RIMS1: variants seen among roughly 807,000 people sequenced by gnomAD.
RIMS1 encodes regulating synaptic membrane exocytosis 1.
In RIMS1, 83 loss-of-function variants were observed where a neutral mutation model predicts 214.1. That is an observed-to-expected ratio of 0.39 (90% CI 0.32 to 0.47). The LOEUF is 0.47. Ranked by LOEUF, RIMS1 falls within the 20% of genes least tolerant of loss-of-function variation. The probability of loss-of-function intolerance (pLI) is 0.99; values close to 1 mark genes in which losing one functional copy is unlikely to be tolerated. For missense variants in RIMS1, 2,050 were observed against 2,161.8 expected, an observed-to-expected ratio of 0.95 and a Z score of 1.03; for synonymous variants, 793 against 786.8, an observed-to-expected ratio of 1.01 and a Z score of -0.13.
intron 2 of RIMS1, among the ~76,000 whole-genome samples, chr6:72,080,052 C>T (rs867837018): frequency 3.0e-4 from 34 of 112,622 alleles, no homozygotes; most frequent in South Asian, 3.0e-4. Flanking sequence ...GCCTGGCCAA[C>T]GTGGTGAAAC....
intron 4 of RIMS1, among the ~76,000 whole-genome samples, chr6:72,106,937 T>G (rs974619090): frequency 6.6e-6 from 1 of 152,216 alleles, no homozygotes; most frequent in Non-Finnish European, 1.5e-5. Context: ...CTAACTTCTC[T>G]TAGTATATCT....
At chr6:72,305,586 CAT>C (rs1268885228) in intron 26 of RIMS1, among the ~76,000 whole-genome samples, 1 of 152,064 alleles carries the variant, frequency 6.6e-6, no homozygotes, top group Non-Finnish European at 1.5e-5. Flanking sequence ...TTCTATATTG[CAT>C]ATGTCTTTTG....
At chr6:72,174,514 G>A (rs1244880237) in intron 4 of RIMS1, among the ~76,000 whole-genome samples, 1 of 151,966 alleles carries the variant, frequency 6.6e-6, no homozygotes, top group Non-Finnish European at 1.5e-5. Context: ...TTTTTCTAAT[G>A]TATCCTAAAA....
intron 2 of RIMS1, among the ~76,000 whole-genome samples, chr6:72,068,073 G>A (rs571002535): frequency 6.6e-6 from 1 of 152,244 alleles, no homozygotes; most frequent in East Asian, 1.9e-4. Context: ...CACAAGATTT[G>A]GCTGATGTCA....
At chr6:72,214,321 A>G (rs1381796851) in intron 6 of RIMS1, among the ~76,000 whole-genome samples, 2 of 152,144 alleles carry the variant, frequency 1.3e-5, no homozygotes, top group Non-Finnish European at 2.9e-5. Flanking sequence ...AAAATACTTA[A>G]TAAATCCAAA....
chr6:72,336,847 C>T (rs1036303560), intron 29 of RIMS1, among the ~76,000 whole-genome samples: 1 of 151,698 alleles, frequency 6.6e-6, no homozygotes, highest in South Asian at 2.1e-4. Flanking sequence ...TGATTTTTCC[C>T]ATTCATTTAA....
At position 72,252,794 on chromosome 6, in the gene RIMS1, A is replaced by T. The variant is rs948776018; in HGVS notation, c.2732A>T (p.Asp911Val). The T allele has an allele frequency of 6.4e-7, 1 of 1,559,082 alleles. No individual in the cohort carries two copies. Among genetic ancestry groups the T allele is most frequent in the African/African-American group, 1.4e-5 (1 of 73,632 alleles). ...CGAATCAGTGATAGTGACATCTCAG[A>T]TTATGAGGTTGATGATGGTATTGGC... ...SQRISDSDIS[D>V]YEVDDGIGVV... Residue 911 changes from aspartate to valine, a missense_variant, in exon 16 of 34, where the codon GAT becomes GTT. Around this residue, in one of 6 missense-constraint regions of RIMS1, gnomAD observed 889 missense variants for 885.5 expected, o/e 1.00. Coordinates refer to ENST00000521978, the MANE Select transcript of RIMS1 (RefSeq NM_014989.7).
At chr6:72,000,014 T>C (rs1456013561) in intron 2 of RIMS1, among the ~76,000 whole-genome samples, 1 of 152,158 alleles carries the variant, frequency 6.6e-6, no homozygotes, top group African/African-American at 2.4e-5. Context: ...CTGTTGTTCA[T>C]ATTTTTAGCA....
rs1172432347 is a variant in RIMS1 at position 72,250,421 on chromosome 6, G to A, written c.2333G>A (p.Arg778Gln). Reference protein sequence around the residue: ...DLPARVDGRPRNPYVKMYFLP... With the variant: ...DLPARVDGRPQNPYVKMYFLP... ...CCTGCTAGAGTAGATGGACGTCCTC[G>A]AAATCCCTATGTAAAAATGTATTTT... Residue 778 changes from arginine to glutamine, a missense_variant, in exon 13 of 34, where the codon CGA (arginine) becomes CAA (glutamine). This residue lies in a region of RIMS1 where 889 missense variants were observed against 885.5 expected (regional missense o/e 1.00). Transcript: ENST00000521978. 1.2e-6 allele frequency: 2 copies of A among 1,604,344 alleles called. No homozygotes were observed. The highest frequency in any genetic ancestry group is 1.1e-5 in the South Asian group (1 of 90,046).
intron 9 of RIMS1, among the ~76,000 whole-genome samples, chr6:72,239,462 G>A (rs777543595): frequency 1.4e-4 from 21 of 152,148 alleles, no homozygotes; most frequent in Non-Finnish European, 2.6e-4. Flanking sequence ...TGATTTTGCA[G>A]ACTCAATCAT....
intron 26 of RIMS1, among the ~76,000 whole-genome samples, chr6:72,306,579 A>G (rs2095190772): frequency 6.6e-6 from 1 of 152,218 alleles, no homozygotes; most frequent in South Asian, 2.1e-4. Flanking sequence ...GCTTAAAAGT[A>G]TTCTTTACAT....
chr6:72,233,515 T>C (rs978217029), intron 6 of RIMS1, among the ~76,000 whole-genome samples: 1 of 151,400 alleles, frequency 6.6e-6, no homozygotes, highest in Admixed American at 6.6e-5. Flanking sequence ...GTTTTTTTTT[T>C]TTCTGTACAT....
intron 1 of RIMS1, among the ~76,000 whole-genome samples, chr6:71,892,031 A>G (rs564304177): frequency 3.6e-4 from 54 of 152,094 alleles, no homozygotes; most frequent in Non-Finnish European, 6.3e-4. Flanking sequence ...ACTTTTATAC[A>G]TTTGGTCCTG....
chr6:72,203,081 A>G (rs1239668595), intron 6 of RIMS1, among the ~76,000 whole-genome samples: 3 of 151,978 alleles, frequency 2.0e-5, no homozygotes, highest in Admixed American at 2.0e-4. Flanking sequence ...TCCGTCTCCT[A>G]GGTTCACGCC....
chr6:72,291,807 A>G, intron 25 of RIMS1, 127 bp from the exon 26 acceptor site: 1 of 729,728 alleles, frequency 1.4e-6, no homozygotes, highest in Admixed American at 2.0e-5. Context: ...AAAGTGTTTG[A>G]TTCTGCTCCC....
At chr6:72,250,847 C>T (rs762671770) in intron 13 of RIMS1, 74 bp from the exon 14 acceptor site, 16 of 726,804 alleles carry the variant, frequency 2.2e-5, no homozygotes, top group Non-Finnish European at 3.5e-5. Context: ...ATATCAATGG[C>T]AGTTTTACAT....
intron 2 of RIMS1, among the ~76,000 whole-genome samples, chr6:71,994,900 C>T (rs1354371981): frequency 6.6e-6 from 1 of 152,216 alleles, no homozygotes; most frequent in African/African-American, 2.4e-5. Context: ...ACACAAAGGC[C>T]TTGTTTTGCT....
intron 2 of RIMS1, among the ~76,000 whole-genome samples, chr6:72,083,365 T>C (rs1187451460): frequency 1.3e-5 from 2 of 152,248 alleles, no homozygotes; most frequent in African/African-American, 2.4e-5. Flanking sequence ...GCAATGACCA[T>C]AAAAATGCCG....
At chr6:72,278,776 G>T (rs1440878472) in intron 23 of RIMS1, among the ~76,000 whole-genome samples, 1 of 151,994 alleles carries the variant, frequency 6.6e-6, no homozygotes, top group Non-Finnish European at 1.5e-5. Flanking sequence ...TATCTTAATT[G>T]CATGCATCCA....
Sources: allele counts gnomAD v4.1 joint callset (sites outside exome capture counted in the v4.1 genomes callset), GRCh38; gene constraint gnomAD v4.1.1; regional missense constraint gnomAD v4.1.1; transcripts MANE v1.5; gene names NCBI Gene and HGNC (gene_info 2026-07-23, HGNC 2026-07-21).